Variants in PRR5L observed in about 807,000 individuals in gnomAD.
PRR5L encodes the protein proline rich 5 like.
Under a neutral mutation model 36.4 loss-of-function variants are expected in PRR5L, and 21 were observed. That is an observed-to-expected ratio of 0.58 (90% confidence interval 0.41 to 0.83). The LOEUF (loss-of-function observed/expected upper bound fraction) is 0.83. PRR5L is among the 40% of genes least tolerant of loss of function. PRR5L has a pLI of 0.00. For missense variants in PRR5L, 381 were observed against 473.3 expected (o/e 0.80, Z 1.81); for synonymous variants, 188 against 197.0 (o/e 0.95, Z 0.38).
intron 4 of PRR5L, among the ~76,000 whole-genome samples, chr11:36,420,132 G>A (rs1858232180): frequency 6.6e-6 from 1 of 152,236 alleles, no homozygotes; most frequent in African/African-American, 2.4e-5. Context: ...GTGACAAGGA[G>A]TCACTGACTG....
At chr11:36,310,755 T>C (rs1377659821) in intron 1 of PRR5L, among the ~76,000 whole-genome samples, 2 of 151,936 alleles carry the variant, frequency 1.3e-5, no homozygotes, top group African/African-American at 4.8e-5. Flanking sequence ...TCGCAGCACT[T>C]TGGGGGGCCG....
At chr11:36,402,894 G>A (rs1177121817) in intron 2 of PRR5L, among the ~76,000 whole-genome samples, 1 of 152,162 alleles carries the variant, frequency 6.6e-6, no homozygotes, top group Admixed American at 6.5e-5. Context: ...TTAGCTCAAG[G>A]CCACCAAGCT....
At chr11:36,397,358 C>G (rs934890499) in intron 1 of PRR5L, among the ~76,000 whole-genome samples, 2 of 151,658 alleles carry the variant, frequency 1.3e-5, no homozygotes, top group Non-Finnish European at 2.9e-5. Flanking sequence ...GCCACTGTGC[C>G]CAGCTCAACT....
At chr11:36,378,451 A>G (rs1857315000) in intron 1 of PRR5L, among the ~76,000 whole-genome samples, 1 of 152,204 alleles carries the variant, frequency 6.6e-6, no homozygotes, top group Non-Finnish European at 1.5e-5. Context: ...TCCAACTGCA[A>G]CCATTGTTCT....
At chr11:36,410,186 C>T (rs1383656298) in intron 3 of PRR5L, among the ~76,000 whole-genome samples, 1 of 152,170 alleles carries the variant, frequency 6.6e-6, no homozygotes, top group African/African-American at 2.4e-5. Flanking sequence ...AGATTGGAAA[C>T]CCATGGGGTT....
intron 8 of PRR5L, among the ~76,000 whole-genome samples, chr11:36,457,436 C>T (rs1452995472): frequency 6.6e-6 from 1 of 151,996 alleles, no homozygotes; most frequent in East Asian, 1.9e-4. Flanking sequence ...GAAACCCTGT[C>T]TCTGCTAAAA....
intron 1 of PRR5L, among the ~76,000 whole-genome samples, chr11:36,346,689 G>A (rs540684074): frequency 3.2e-4 from 49 of 152,246 alleles, no homozygotes; most frequent in African/African-American, 1.2e-3. Flanking sequence ...AGACGAAACT[G>A]TGGAGCATTC....
chr11:36,329,316 A>G (rs1856696101), intron 1 of PRR5L: 1 of 152,206 alleles, frequency 6.6e-6, no homozygotes, highest in South Asian at 2.1e-4. Flanking sequence ...CAATCCATCC[A>G]GTTTCAACTT....
chr11:36,342,680 TG>T (rs1856828740), intron 1 of PRR5L, among the ~76,000 whole-genome samples: 2 of 152,070 alleles, frequency 1.3e-5, no homozygotes, highest in South Asian at 4.1e-4. Context: ...TGGAAACGGG[TG>T]GGATGGGGCA....
intron 1 of PRR5L, among the ~76,000 whole-genome samples, chr11:36,351,864 C>T (rs559273800): frequency 3.4e-5 from 5 of 146,130 alleles, no homozygotes; most frequent in Admixed American, 7.2e-5. Context: ...TTTGCAATTG[C>T]GAATTGTGCG....
chr11:36,461,146 C>A (rs1341513133), intron 8 of PRR5L, among the ~76,000 whole-genome samples: 1 of 152,118 alleles, frequency 6.6e-6, no homozygotes, highest in African/African-American at 2.4e-5. Context: ...TGTTTGAGTC[C>A]CAGCTTAAAC....
At position 36,375,234 on chromosome 11, in the gene PRR5L, C is replaced by CA. The variant is rs35932528; in HGVS notation, c.-125-25748dup. Among the ~76,000 whole-genome samples the CA allele has an allele frequency of 4.2e-3, 591 of 140,728 alleles. 3 individuals are homozygous for CA. Among genetic ancestry groups the CA allele is most frequent in the African/African-American group, 0.015 (559 of 37,950 alleles). 92.3% of individuals were successfully genotyped at this position (140,728 alleles called of 152,430 possible). ...CTGGATGACAGAGGGGAAACTGTCT[C>CA]AAAAAAAAAAAAAAAGATTTTGTTT... On this transcript the variant is annotated intron_variant, in intron 1 of 8. Coordinates refer to ENST00000530639, the MANE Select transcript of PRR5L (RefSeq NM_001160167.2).
At position 36,462,516 on chromosome 11, in the gene PRR5L, A is replaced by G. The variant is rs766733109; in HGVS notation, c.887A>G (p.His296Arg). The stretch of plus-strand genomic sequence containing the variant: ...CGGCGGCACACGGTGGCCAATGCCC[A>G]CTCGGACATCCAGCTGCTGGCCATG... ...SVRRHTVANA[H>R]SDIQLLAMAT... Residue 296 changes from histidine (H) to arginine (R), a missense_variant, in exon 9 of 9, where the codon CAC (histidine) becomes CGC (arginine). By Grantham distance (29) the His-to-Arg change is conservative (BLOSUM62 0). Coordinates refer to ENST00000530639, the MANE Select transcript of PRR5L (RefSeq NM_001160167.2). 10 of 1,608,660 alleles carry G rather than the reference A, an allele frequency of 6.2e-6. No individual in the cohort carries two copies. The highest frequency in any genetic ancestry group is 1.7e-5 in the Admixed American group (1 of 59,674).
chr11:36,443,014 C>G (rs939792856), intron 6 of PRR5L, among the ~76,000 whole-genome samples: 1 of 152,108 alleles, frequency 6.6e-6, no homozygotes, highest in African/African-American at 2.4e-5. Flanking sequence ...TCCTTAGCAC[C>G]AATTTTCTGT....
chr11:36,418,708 A>T (rs1248519885), intron 3 of PRR5L, among the ~76,000 whole-genome samples: 1 of 152,050 alleles, frequency 6.6e-6, no homozygotes. Context: ...AGGCAGGAGA[A>T]TTGCATGAAC....
rs734428 is a variant in PRR5L, at chr11:36,407,163, A to G, written c.245+3785A>G. On this transcript the variant is annotated intron_variant, in intron 3 of 8. Transcript: ENST00000530639. Reference sequence around the variant, plus strand: ...GTACGAGGCATGAGAACACAGGCCAACGTGATGAATTGCCCCATGAATAGT... The same window carrying G: ...GTACGAGGCATGAGAACACAGGCCAGCGTGATGAATTGCCCCATGAATAGT... 5.2e-3 allele frequency among the ~76,000 whole-genome samples: 762 copies of G among 146,818 alleles called. 20 individuals are homozygous for G. Among genetic ancestry groups the G allele is most frequent in the Admixed American group, 0.044 (661 of 15,140 alleles).
At chr11:36,338,727 A>G (rs1315140286) in intron 1 of PRR5L, among the ~76,000 whole-genome samples, 2 of 152,210 alleles carry the variant, frequency 1.3e-5, no homozygotes, top group Middle Eastern at 3.4e-3. Context: ...CATATTGCCT[A>G]TGAAATCTGG....
chr11:36,320,349 T>C (rs1259935504), intron 1 of PRR5L, among the ~76,000 whole-genome samples: 1 of 151,144 alleles, frequency 6.6e-6, no homozygotes, highest in East Asian at 1.9e-4. Context: ...GTTCAAGCGA[T>C]TCTCCTGCCT....
rs34024197 is a variant in PRR5L at position 36,397,443 on chromosome 11, CTTTTTTTTTTTTTTTTTT to C, written c.-125-3541_-125-3524del. Among the ~76,000 whole-genome samples the C allele has an allele frequency of 2.8e-4, 10 of 35,106 alleles. 1 individual carries two copies. In the East Asian group the frequency reaches 3.9e-3, roughly 14 times the overall value. The allele number at this position is 35,106 out of a possible 152,430, so 23.0% of individuals were successfully genotyped here. A position where few individuals can be genotyped will look rare whatever the true frequency, so the allele number is the denominator to read the frequency against. Reference sequence around the variant, plus strand: ...TTCATGTCAGCCAGGCAGCCGATGCCTTTTTTTTTTTTTTTTTTTTTTTTTTTTTTGAGAGAGAAGCCT... The same window carrying C: ...TTCATGTCAGCCAGGCAGCCGATGCCTTTTTTTTTTTTGAGAGAGAAGCCT... On this transcript the variant is annotated intron_variant, in intron 1 of 8. Transcript: ENST00000530639.
Sources: allele counts gnomAD v4.1 joint callset (sites outside exome capture counted in the v4.1 genomes callset), GRCh38; gene constraint gnomAD v4.1.1; transcripts MANE v1.5; gene names NCBI Gene and HGNC (gene_info 2026-07-23, HGNC 2026-07-21).